KIAA1549L: variants seen among roughly 807,000 people sequenced by gnomAD.
The protein encoded by KIAA1549L is KIAA1549 like, also known as UPF0606 protein KIAA1549L.
Under a neutral mutation model 160.7 loss-of-function variants are expected in KIAA1549L, and 88 were observed. The observed-to-expected ratio is 0.55, with a 90% CI of 0.46 to 0.65. KIAA1549L has a LOEUF of 0.65. KIAA1549L is among the 30% of genes least tolerant of loss of function. The pLI is 0.00. For synonymous variants in KIAA1549L, 950 were observed against 976.7 expected, an observed-to-expected ratio of 0.97 and a Z score of 0.51; for missense variants, 2,258 against 2,437.5, an observed-to-expected ratio of 0.93 and a Z score of 1.55.
chr11:33,647,260 C>T (rs1032912798), intron 17 of KIAA1549L, among the ~76,000 whole-genome samples: 1 of 151,428 alleles, frequency 6.6e-6, no homozygotes, highest in Non-Finnish European at 1.5e-5. Flanking sequence ...CCTATAGTCC[C>T]AACTTTTTGG....
At chr11:33,397,757 A>C (rs1407433037) in intron 1 of KIAA1549L, among the ~76,000 whole-genome samples, 2 of 141,858 alleles carry the variant, frequency 1.4e-5, no homozygotes, top group Non-Finnish European at 3.1e-5. Flanking sequence ...CACACACACA[A>C]AAGTGAAAAC....
intron 19 of KIAA1549L, among the ~76,000 whole-genome samples, chr11:33,659,716 A>G (rs1252474566): frequency 1.3e-5 from 2 of 152,216 alleles, no homozygotes; most frequent in Non-Finnish European, 2.9e-5. Context: ...GGCGCTTTAA[A>G]AATACACACT....
intron 1 of KIAA1549L, among the ~76,000 whole-genome samples, chr11:33,415,453 G>C (rs946706484): frequency 6.6e-6 from 1 of 152,168 alleles, no homozygotes; most frequent in Admixed American, 6.5e-5. Context: ...TGGGGATCCT[G>C]CCTCTACTTG....
chr11:33,491,966 A>G (rs918172787), intron 1 of KIAA1549L, among the ~76,000 whole-genome samples: 1 of 152,198 alleles, frequency 6.6e-6, no homozygotes, highest in African/African-American at 2.4e-5. Context: ...GAGGTGGAGG[A>G]TATAGAGTTT....
intron 1 of KIAA1549L, among the ~76,000 whole-genome samples, chr11:33,479,795 A>G (rs943571379): frequency 3.3e-5 from 5 of 152,154 alleles, no homozygotes; most frequent in Non-Finnish European, 7.4e-5. Context: ...TGATTGAGAA[A>G]CAGATTTTAA....
intron 1 of KIAA1549L, among the ~76,000 whole-genome samples, chr11:33,396,654 T>TC (rs1590217585): frequency 6.6e-6 from 1 of 151,592 alleles, no homozygotes; most frequent in Admixed American, 6.6e-5. Flanking sequence ...TTCTTTTTTT[T>TC]TCTCTTTCAT....
intron 1 of KIAA1549L, among the ~76,000 whole-genome samples, chr11:33,498,050 A>T (rs1852860404): frequency 1.3e-5 from 2 of 152,166 alleles, no homozygotes; most frequent in Admixed American, 1.3e-4. Flanking sequence ...GCACTTTGGG[A>T]GCCTGAGGAG....
intron 1 of KIAA1549L, among the ~76,000 whole-genome samples, chr11:33,383,273 CTTT>C (rs35630887): frequency 6.9e-6 from 1 of 144,132 alleles, no homozygotes; most frequent in African/African-American, 2.5e-5. Flanking sequence ...TTCTTTCTTT[CTTT>C]TTTTTTTTTT....
chr11:33,637,693 A>G (rs1851472764), intron 16 of KIAA1549L, among the ~76,000 whole-genome samples: 1 of 152,194 alleles, frequency 6.6e-6, no homozygotes, highest in Non-Finnish European at 1.5e-5. Context: ...TCCTGAGTTT[A>G]TGAAAGGCCA....
At chr11:33,577,345 A>C (rs575260324) in intron 10 of KIAA1549L, among the ~76,000 whole-genome samples, 2 of 152,324 alleles carry the variant, frequency 1.3e-5, no homozygotes, top group East Asian at 3.9e-4. Flanking sequence ...CATTCCAGGC[A>C]TTGAGAACCC....
At chr11:33,487,189 G>T (rs1852546057) in intron 1 of KIAA1549L, among the ~76,000 whole-genome samples, 1 of 152,148 alleles carries the variant, frequency 6.6e-6, no homozygotes, top group South Asian at 2.1e-4. Flanking sequence ...TCCAAGCAAG[G>T]ACAATCTTAT....
At chr11:33,447,037 A>G (rs1187821080) in intron 1 of KIAA1549L, among the ~76,000 whole-genome samples, 1 of 152,196 alleles carries the variant, frequency 6.6e-6, no homozygotes, top group Non-Finnish European at 1.5e-5. Flanking sequence ...AATCGTACAA[A>G]AAGTGCCATG....
chr11:33,378,483 C>T (rs1850001020), intron 1 of KIAA1549L, among the ~76,000 whole-genome samples: 1 of 152,170 alleles, frequency 6.6e-6, no homozygotes, highest in Non-Finnish European at 1.5e-5. Flanking sequence ...GGGTTTAGCC[C>T]TGGTGTCCTC....
intron 6 of KIAA1549L, among the ~76,000 whole-genome samples, chr11:33,556,401 G>T (rs1035923719): frequency 6.6e-6 from 1 of 152,202 alleles, no homozygotes; most frequent in Admixed American, 6.5e-5. Flanking sequence ...AAAGGTGGAA[G>T]CAACCCATGT....
At chr11:33,381,490 A>G (rs958655173) in intron 1 of KIAA1549L, among the ~76,000 whole-genome samples, 1 of 152,186 alleles carries the variant, frequency 6.6e-6, no homozygotes, top group Non-Finnish European at 1.5e-5. Flanking sequence ...GCCAATGTAG[A>G]ATTGAATGAG....
rs183106806 is a variant in KIAA1549L at position 33,394,098 on chromosome 11, C to T, written c.238+17209C>T. Among the ~76,000 whole-genome samples the T allele has an allele frequency of 7.7e-3, 1,170 of 152,232 alleles. 14 individuals carry two copies. Among genetic ancestry groups the T allele is most frequent in the Non-Finnish European group, 0.01 (699 of 68,004 alleles). Reference sequence around the variant, plus strand: ...CAAAAATTAAACACTTGTGGCTGGGCGCAATGGCTCACACCTGTAATCCCA... The same window carrying T: ...CAAAAATTAAACACTTGTGGCTGGGTGCAATGGCTCACACCTGTAATCCCA... On this transcript the variant is annotated intron_variant, in intron 1 of 20. Coordinates refer to ENST00000658780, the MANE Select transcript of KIAA1549L (RefSeq NM_012194.3).
chr11:33,547,552 C>T (rs1022441867), intron 3 of KIAA1549L, among the ~76,000 whole-genome samples: 2 of 152,198 alleles, frequency 1.3e-5, no homozygotes, highest in African/African-American at 4.8e-5. Context: ...TCTCTCTCTA[C>T]TCGGGTCACA....
chr11:33,430,404 G>A (rs1210460616), intron 1 of KIAA1549L, among the ~76,000 whole-genome samples: 1 of 152,014 alleles, frequency 6.6e-6, no homozygotes, highest in Non-Finnish European at 1.5e-5. Flanking sequence ...TTTTTCCTTT[G>A]ACTAATAAAA....
intron 1 of KIAA1549L, among the ~76,000 whole-genome samples, chr11:33,407,094 T>TTTTC (rs1554974279): frequency 1.4e-5 from 2 of 143,310 alleles, no homozygotes; most frequent in Admixed American, 1.4e-4. Flanking sequence ...TTTTTTTTTT[T>TTTTC]TTTTTTTTGA....
Sources: allele counts gnomAD v4.1 joint callset (sites outside exome capture counted in the v4.1 genomes callset), GRCh38; gene constraint gnomAD v4.1.1; transcripts MANE v1.5; gene names NCBI Gene and HGNC (gene_info 2026-07-23, HGNC 2026-07-21).